ROBO1: variants seen among roughly 807,000 people sequenced by gnomAD.
The protein encoded by ROBO1 is roundabout guidance receptor 1.
Under a neutral mutation model 195.9 loss-of-function variants are expected in ROBO1, and 149 were observed. The ratio of observed to expected loss-of-function variants is 0.76; its 90% confidence interval spans 0.67 to 0.87. ROBO1 has a LOEUF of 0.87. Ranked by LOEUF, ROBO1 falls within the 40% of genes least tolerant of loss-of-function variation. The pLI is 0.00. For synonymous variants in ROBO1, 816 were observed against 733.2 expected (o/e 1.11, Z -1.82); for missense variants, 1,933 against 2,068.3 (o/e 0.93, Z 1.27).
chr3:79,522,545 T>C (rs1575963881), intron 2 of ROBO1, among the ~76,000 whole-genome samples: 1 of 152,166 alleles, frequency 6.6e-6, no homozygotes, highest in Non-Finnish European at 1.5e-5. Context: ...CTTGCTTTTG[T>C]GCATTTCCAT....
chr3:79,599,471 G>GA (rs2107858264), intron 1 of ROBO1, among the ~76,000 whole-genome samples: 1 of 152,056 alleles, frequency 6.6e-6, no homozygotes, highest in East Asian at 1.9e-4. Flanking sequence ...TCAAAATGAT[G>GA]AAAAAGCAGC....
chr3:79,250,479 T>C (rs1007614016), intron 2 of ROBO1, among the ~76,000 whole-genome samples: 7 of 152,156 alleles, frequency 4.6e-5, no homozygotes, highest in Non-Finnish European at 4.4e-5. Context: ...TAAAACTGAT[T>C]CTTAGAAGTT....
At chr3:79,200,253 A>G (rs1352154056) in intron 2 of ROBO1, among the ~76,000 whole-genome samples, 1 of 151,776 alleles carries the variant, frequency 6.6e-6, no homozygotes, top group Non-Finnish European at 1.5e-5. Context: ...GAGAAAGGTC[A>G]CTTAAATTCA....
chr3:79,754,022 G>C (rs988180967), intron 1 of ROBO1, among the ~76,000 whole-genome samples: 1 of 152,100 alleles, frequency 6.6e-6, no homozygotes, highest in Admixed American at 6.6e-5. Context: ...GGTTTTTAAG[G>C]GTGCGGGTGG....
chr3:78,903,421 A>C (rs961869823), intron 4 of ROBO1, among the ~76,000 whole-genome samples: 1 of 152,064 alleles, frequency 6.6e-6, no homozygotes, highest in Non-Finnish European at 1.5e-5. Flanking sequence ...TTCACATAAA[A>C]GCATGTGAAA....
chr3:79,577,761 A>AG (rs1943538271), intron 2 of ROBO1, among the ~76,000 whole-genome samples: 2 of 134,804 alleles, frequency 1.5e-5, no homozygotes, highest in Non-Finnish European at 3.2e-5. Context: ...CACACACACA[A>AG]AATTGCTGGG....
intron 2 of ROBO1, among the ~76,000 whole-genome samples, chr3:79,137,430 GT>G (rs5850415): frequency 0.75 from 113,802 of 151,406 alleles, 42,842 homozygotes; most frequent in Middle Eastern, 0.8. Flanking sequence ...ACATGTTACT[GT>G]TTTTTTTCTC....
At chr3:78,685,356 G>C (rs573689717) in intron 10 of ROBO1, among the ~76,000 whole-genome samples, 20 of 152,158 alleles carry the variant, frequency 1.3e-4, no homozygotes, top group Non-Finnish European at 2.9e-5. Context: ...CATAAGTTGT[G>C]AGCTGTTAGG....
At chr3:79,471,540 C>T (rs1400753539) in intron 2 of ROBO1, among the ~76,000 whole-genome samples, 2 of 151,942 alleles carry the variant, frequency 1.3e-5, no homozygotes, top group South Asian at 4.2e-4. Context: ...ATTAGTGGTG[C>T]TTTGTTAAAG....
intron 3 of ROBO1, among the ~76,000 whole-genome samples, chr3:78,941,076 T>C (rs2040109267): frequency 6.6e-6 from 1 of 152,230 alleles, no homozygotes; most frequent in African/African-American, 2.4e-5. Flanking sequence ...CTACTCCAAT[T>C]AATGTTTTTC....
At chr3:78,768,657 TTTTA>T (rs2083288833) in intron 4 of ROBO1, among the ~76,000 whole-genome samples, 3 of 152,102 alleles carry the variant, frequency 2.0e-5, no homozygotes, top group Non-Finnish European at 4.4e-5. Context: ...TCTTTTTTTT[TTTTA>T]TTATTATACT....
Position 79,589,812 on chromosome 3 carries a change from C to T in ROBO1, c.88+12G>A, listed in dbSNP as rs544718083. On this transcript the variant is annotated intron_variant, in intron 2 of 30. Coordinates refer to ENST00000464233, the MANE Select transcript of ROBO1 (RefSeq NM_002941.4). ...TGGTTAAGTATTGATGAAACAAATGCACAGCACTTACCTGGAATAAGCTGG... is the reference window on the plus strand; with the variant it reads ...TGGTTAAGTATTGATGAAACAAATGTACAGCACTTACCTGGAATAAGCTGG... 169 of 1,603,254 alleles carry T rather than the reference C, an allele frequency of 1.1e-4. No individual in the cohort carries two copies. The East Asian group carries it at 3.2e-3, about 31-fold the overall frequency.
chr3:79,576,548 A>C (rs950937166), intron 2 of ROBO1, among the ~76,000 whole-genome samples: 3 of 152,064 alleles, frequency 2.0e-5, no homozygotes, highest in African/African-American at 7.2e-5. Context: ...AAAACAAAGA[A>C]AAAAAAATCA....
intron 2 of ROBO1, among the ~76,000 whole-genome samples, chr3:79,287,117 C>T (rs1202142873): frequency 1.3e-5 from 2 of 152,134 alleles, no homozygotes; most frequent in African/African-American, 2.4e-5. Context: ...GTAATGGTAA[C>T]ACTAAATTCT....
intron 8 of ROBO1, among the ~76,000 whole-genome samples, chr3:78,711,348 CTCCT>C (rs1191923818): frequency 6.9e-4 from 38 of 54,688 alleles, no homozygotes; most frequent in African/African-American, 2.8e-3. Flanking sequence ...TCCTTCCTTC[CTCCT>C]TCCTTCCTTC....
chr3:78,791,220 G>A (rs1385585034), intron 4 of ROBO1, among the ~76,000 whole-genome samples: 1 of 152,054 alleles, frequency 6.6e-6, no homozygotes, highest in Admixed American at 6.6e-5. Context: ...ACGTGTTGTT[G>A]TCATAGGTAC....
intron 4 of ROBO1, among the ~76,000 whole-genome samples, chr3:78,900,953 C>G (rs1292583953): frequency 6.6e-6 from 1 of 152,026 alleles, no homozygotes; most frequent in Non-Finnish European, 1.5e-5. Context: ...CTTTATTCAT[C>G]TCATCTGTCT....
intron 3 of ROBO1, among the ~76,000 whole-genome samples, chr3:79,114,405 G>A (rs57938620): frequency 0.014 from 2,071 of 152,232 alleles, 49 homozygotes; most frequent in African/African-American, 0.046. Flanking sequence ...TTTTGCTTTC[G>A]CTTTGCAGAT....
intron 4 of ROBO1, among the ~76,000 whole-genome samples, chr3:78,929,885 G>A (rs2039417253): frequency 6.6e-6 from 1 of 152,022 alleles, no homozygotes; most frequent in Non-Finnish European, 1.5e-5. Context: ...AAGAAACACA[G>A]GTTGAGATTG....
Sources: allele counts gnomAD v4.1 joint callset (sites outside exome capture counted in the v4.1 genomes callset), GRCh38; gene constraint gnomAD v4.1.1; transcripts MANE v1.5; gene names NCBI Gene and HGNC (gene_info 2026-07-23, HGNC 2026-07-21).